Variants in ESRRB observed in about 807,000 individuals in gnomAD.
The protein encoded by ESRRB is estrogen related receptor beta, also known as steroid hormone receptor ERR2.
In ESRRB, 16 loss-of-function variants were observed where a neutral mutation model predicts 46.0. The observed-to-expected ratio is 0.35, with a 90% CI of 0.24 to 0.53. The LOEUF (loss-of-function observed/expected upper bound fraction) is 0.53, where lower values mean the gene tolerates loss of function less well. Ranked by LOEUF, ESRRB falls within the 20% of genes least tolerant of loss-of-function variation. The pLI, the probability that ESRRB is intolerant of heterozygous loss-of-function variation, is 0.93. For synonymous variants in ESRRB, 246 were observed against 259.6 expected, an observed-to-expected ratio of 0.95 and a Z score of 0.50; for missense variants, 488 against 607.4, an observed-to-expected ratio of 0.80 and a Z score of 2.07.
At chr14:76,397,022 C>T (rs535164456) in intron 1 of ESRRB, among the ~76,000 whole-genome samples, 5 of 152,318 alleles carry the variant, frequency 3.3e-5, no homozygotes, top group Non-Finnish European at 5.9e-5. Context: ...CGGACTGACT[C>T]GGGAAAGGAC....
rs748786865 is a variant in ESRRB, at chr14:76,498,374, C to T, written c.1281C>T (p.Ala427=). The change falls in exon 7 of 7, where the codon GCC becomes GCT. Residue 427 remains alanine, a synonymous_variant. Coordinates refer to ENST00000644823, the MANE Select transcript of ESRRB (RefSeq NM_001379180.1). Reference sequence around the variant, plus strand: ...TGCTGCGGCAGACGGCCGCCAAGGCCGTGCAGCACTTCTATAGCGTCAAAC... The same window carrying T: ...TGCTGCGGCAGACGGCCGCCAAGGCTGTGCAGCACTTCTATAGCGTCAAAC... The part of the protein sequence containing the change: ...LPLLRQTAAK[A]VQHFYSVKLQ... The T allele has an allele frequency of 1.4e-5, 23 of 1,613,082 alleles. No individual in the cohort carries two copies. The highest frequency in any genetic ancestry group is 4.5e-5 in the East Asian group (2 of 44,870).
chr14:76,481,229 G>A (rs540932423), intron 3 of ESRRB, among the ~76,000 whole-genome samples: 5 of 152,318 alleles, frequency 3.3e-5, no homozygotes, highest in South Asian at 2.1e-4. Flanking sequence ...CTGTGCCTTC[G>A]ATCTGCTGGT....
chr14:76,373,409 C>A (rs974976379), upstream of ESRRB, among the ~76,000 whole-genome samples: 1 of 152,112 alleles, frequency 6.6e-6, no homozygotes, highest in Non-Finnish European at 1.5e-5. Flanking sequence ...GGAGTCAGGA[C>A]CCGATCCCAG....
intron 1 of ESRRB, among the ~76,000 whole-genome samples, chr14:76,343,180 G>T (rs911159856): frequency 1.6e-4 from 25 of 152,212 alleles, no homozygotes; most frequent in African/African-American, 6.0e-4. Context: ...GAACAGAGAT[G>T]AACTGAGCCA....
At chr14:76,358,327 GAAAGAAA>G (rs1884413348) in intron 1 of ESRRB, among the ~76,000 whole-genome samples, 3 of 11,226 alleles carry the variant, frequency 2.7e-4, no homozygotes, top group Non-Finnish European at 4.2e-4. Flanking sequence ...AAAAAAAAAA[GAAAGAAA>G]GAAAGAAAGA....
At chr14:76,402,695 C>CTTTCT (rs995876861) in intron 1 of ESRRB, among the ~76,000 whole-genome samples, 3 of 152,130 alleles carry the variant, frequency 2.0e-5, no homozygotes, top group Non-Finnish European at 2.9e-5. Context: ...GGAATTCTTT[C>CTTTCT]TTTCTTTTCT....
intron 1 of ESRRB, among the ~76,000 whole-genome samples, chr14:76,402,723 C>T (rs988287642): frequency 6.6e-6 from 1 of 152,092 alleles, no homozygotes; most frequent in Non-Finnish European, 1.5e-5. Context: ...TTTTGAAATG[C>T]GGGTCTCGCT....
intron 3 of ESRRB, among the ~76,000 whole-genome samples, chr14:76,479,259 G>GTA (rs1889711521): frequency 1.3e-5 from 2 of 152,160 alleles, no homozygotes; most frequent in Non-Finnish European, 2.9e-5. Flanking sequence ...GCGTGTGTGT[G>GTA]TGTGTGCTGA....
chr14:76,479,089 G>C (rs1324889084), intron 3 of ESRRB, among the ~76,000 whole-genome samples: 1 of 152,148 alleles, frequency 6.6e-6, no homozygotes, highest in Non-Finnish European at 1.5e-5. Flanking sequence ...ATTCCTCTGT[G>C]GCCAGGCCTG....
chr14:76,461,478 CTTTTGTTTTGTTTTGTTTTGTTTTG>C (rs147348934), intron 2 of ESRRB, among the ~76,000 whole-genome samples: 2,856 of 150,414 alleles, frequency 0.019, 34 homozygotes, highest in African/African-American at 0.033. Context: ...GGTAGCCATT[CTTTTGTTTTGTTTTGTTTTGTTTTG>C]TTTTGTTTTG....
At chr14:76,452,934 T>G (rs1888455460) in intron 2 of ESRRB, among the ~76,000 whole-genome samples, 1 of 151,896 alleles carries the variant, frequency 6.6e-6, no homozygotes, top group South Asian at 2.1e-4. Flanking sequence ...TTGAGTGGGG[T>G]TTTAAGTCTA....
intron 1 of ESRRB, among the ~76,000 whole-genome samples, chr14:76,417,006 G>A (rs545220581): frequency 1.7e-4 from 26 of 152,108 alleles, no homozygotes; most frequent in Admixed American, 1.6e-3. Flanking sequence ...GCATGGTGGC[G>A]GGCACCTGTA....
chr14:76,458,603 G>C (rs948932351), intron 2 of ESRRB, among the ~76,000 whole-genome samples: 1 of 152,110 alleles, frequency 6.6e-6, no homozygotes, highest in African/African-American at 2.4e-5. Context: ...CTGACTCCTT[G>C]CTCTGAGCAG....
In ESRRB at chr14:76,439,434, C is replaced by G. The variant is rs35544003; in HGVS notation, c.144C>G (p.Ile48Met). 6.2e-7 allele frequency: 1 copy of G among 1,613,452 alleles called. No individual in the cohort carries two copies. The highest frequency in any genetic ancestry group is 8.5e-7 in the Non-Finnish European group (1 of 1,179,838). Residue 48 changes from isoleucine (I) to methionine (M), a missense_variant, in exon 2 of 7, where the codon ATC (isoleucine) becomes ATG (methionine). By Grantham distance (10) the Ile-to-Met change is conservative. Transcript: ENST00000644823. ...KTEPSSPSSG[I>M]DALSHHSPSG... ...AGCCGTCCAGCCCGTCCTCGGGCAT[C>G]GATGCCCTCAGCCACCACAGCCCCA...
At position 76,401,011 on chromosome 14, in the gene ESRRB, A is replaced by T. The variant is rs10149854; in HGVS notation, c.50+24560A>T. ...GGAGTTGCCAGACACATGTGTGAGA[A>T]GAAGGGCTCCTTTTGCCGTTTTACC... On this transcript the variant is annotated intron_variant, in intron 1 of 6. Coordinates refer to ENST00000644823, the MANE Select transcript of ESRRB (RefSeq NM_001379180.1). Among the ~76,000 whole-genome samples, 1,077 of 152,316 alleles carry T rather than the reference A, an allele frequency of 7.1e-3. 16 individuals are homozygous for T. The highest frequency in any genetic ancestry group is 0.025 in the African/African-American group (1,029 of 41,576).
At chr14:76,382,911 T>A (rs1885072781) in intron 1 of ESRRB, among the ~76,000 whole-genome samples, 1 of 152,202 alleles carries the variant, frequency 6.6e-6, no homozygotes, top group Non-Finnish European at 1.5e-5. Flanking sequence ...TCATTCAGCA[T>A]CCCCGGGACT....
chr14:76,497,444 C>T (rs780611648), intron 6 of ESRRB, among the ~76,000 whole-genome samples: 2 of 152,156 alleles, frequency 1.3e-5, no homozygotes, highest in African/African-American at 2.4e-5. Context: ...CCAGCTGTAA[C>T]GTGGCCGTCA....
chr14:76,495,593 G>A (rs1229283659), intron 6 of ESRRB: 1 of 147,530 alleles, frequency 6.8e-6, no homozygotes, highest in African/African-American at 2.5e-5. Flanking sequence ...AGGCAACAGA[G>A]TGAGACCCTT....
At chr14:76,316,524 C>G (rs1883802087) in intron 1 of ESRRB, among the ~76,000 whole-genome samples, 1 of 152,126 alleles carries the variant, frequency 6.6e-6, no homozygotes, top group African/African-American at 2.4e-5. Flanking sequence ...AGTGCAGTGC[C>G]TGGCACATAG....
Sources: gnomAD v4.1 joint callset for allele counts (sites outside exome capture counted in the v4.1 genomes callset) on GRCh38, gnomAD v4.1.1 for gene constraint, MANE v1.5 for transcripts, NCBI Gene and HGNC (gene_info 2026-07-23, HGNC 2026-07-21) for gene names.